CEP41: variants seen among roughly 807,000 people sequenced by gnomAD.
CEP41 encodes centrosomal protein of 41 kDa.
Under a neutral mutation model 44.3 loss-of-function variants are expected in CEP41, and 32 were observed. The ratio of observed to expected loss-of-function variants is 0.72; its 90% confidence interval spans 0.54 to 0.97. The LOEUF is 0.97. CEP41 is among the 50% of genes least tolerant of loss of function. The pLI is 0.00. For synonymous variants in CEP41, 151 were observed against 168.5 expected (o/e 0.90, Z 0.80); for missense variants, 432 against 455.2 (o/e 0.95, Z 0.46).
intron 2 of CEP41, among the ~76,000 whole-genome samples, chr7:130,423,536 G>T (rs1411831103): frequency 6.6e-6 from 1 of 152,144 alleles, no homozygotes; most frequent in Non-Finnish European, 1.5e-5. Context: ...GAAGTGGTGT[G>T]GCTGCTGTGG....
rs782188831 is a variant in CEP41, at chr7:130,401,913, T to C, written c.610A>G (p.Met204Val). 6 of 1,610,560 alleles carry C rather than the reference T, an allele frequency of 3.7e-6. No homozygotes were observed. In the Admixed American group the frequency reaches 5.0e-5, roughly 13 times the overall value. Residue 204 changes from methionine (M) to valine (V), a missense_variant, in exon 8 of 11, where the codon ATG becomes GTG. By Grantham distance (21) the Met-to-Val change is conservative. Transcript: ENST00000223208. Reference sequence around the variant, plus strand: ...AGAATATCATTTGAATAAGGGTTCATTGTTCTAGACAGAGTTGCAATTGGG... The same window carrying C: ...AGAATATCATTTGAATAAGGGTTCACTGTTCTAGACAGAGTTGCAATTGGG... ...SYPIATLSRT[M>V]NPYSNDILEY...
rs1196594622 is a variant in CEP41, at chr7:130,397,495, T to A, written c.*1396A>T. 1 of 425,288 alleles carries A rather than the reference T, an allele frequency of 2.4e-6. No homozygotes were observed. 26.3% of individuals were successfully genotyped at this position (425,288 alleles called of 1,614,324 possible). On this transcript the variant is annotated 3_prime_UTR_variant, in exon 11 of 11. Transcript: ENST00000223208. ...ACAAACACAGCCCCCATGCTAGAAA[T>A]ACTGTGGTGCATTTTTTTTTTTTTT...
chr7:130,417,163 A>C, intron 2 of CEP41, 197 bp from the exon 3 acceptor site: 1 of 1,391,148 alleles, frequency 7.2e-7, no homozygotes, highest in Non-Finnish European at 9.3e-7. Context: ...GAGCCGAGGG[A>C]AATGTTTTGG....
chr7:130,411,047 G>T, intron 5 of CEP41, 75 bp downstream of exon 5: 1 of 1,281,490 alleles, frequency 7.8e-7, no homozygotes, highest in Non-Finnish European at 1.1e-6. Context: ...GGAACAGACA[G>T]CAAATGTGTA....
chr7:130,440,665 A>C, intron 1 of CEP41: 1 of 594,588 alleles, frequency 1.7e-6, no homozygotes, highest in East Asian at 2.8e-5. Flanking sequence ...TTTGAGGGCA[A>C]GGGCTGTGTC....
At chr7:130,434,814 A>G (rs545469366) in intron 1 of CEP41, among the ~76,000 whole-genome samples, 14 of 152,332 alleles carry the variant, frequency 9.2e-5, no homozygotes, top group Admixed American at 6.5e-4. Context: ...GCAGATGTCT[A>G]TAGTCAAAGG....
intron 5 of CEP41, among the ~76,000 whole-genome samples, chr7:130,409,221 T>C (rs1797101862): frequency 6.6e-6 from 1 of 152,216 alleles, no homozygotes; most frequent in Non-Finnish European, 1.5e-5. Flanking sequence ...CTGAGTGAGT[T>C]ATTATCTGTG....
At chr7:130,402,499 G>A (rs1796881692) in intron 7 of CEP41, 149 bp downstream of exon 7, 4 of 834,678 alleles carry the variant, frequency 4.8e-6, no homozygotes, top group Non-Finnish European at 7.9e-6. Context: ...TTTTATGGTG[G>A]AGCCAACCCT....
chr7:130,428,027 T>C lies in CEP41; in HGVS notation c.34-9A>G, dbSNP rs782509419. 16 of 1,572,022 alleles carry C rather than the reference T, an allele frequency of 1.0e-5. No homozygotes were observed. Among genetic ancestry groups the C allele is most frequent in the Non-Finnish European group, 2.6e-6 (3 of 1,142,254 alleles). On this transcript the variant is annotated splice_polypyrimidine_tract_variant and intron_variant, in intron 1 of 10. Transcript: ENST00000223208. ...ATCCTTTTCATCAGATACTAAAAAA[T>C]AAGGAAATTCACAATTAATTGGGTT...
At chr7:130,434,099 T>C (rs1424390374) in intron 1 of CEP41, among the ~76,000 whole-genome samples, 1 of 152,210 alleles carries the variant, frequency 6.6e-6, no homozygotes, top group Non-Finnish European at 1.5e-5. Flanking sequence ...TGGAGAAATT[T>C]TTAATAGCAA....
chr7:130,423,252 G>A (rs1338009607), intron 2 of CEP41, among the ~76,000 whole-genome samples: 1 of 151,954 alleles, frequency 6.6e-6, no homozygotes, highest in Non-Finnish European at 1.5e-5. Flanking sequence ...CCAGCCAAAA[G>A]AACTTTTATA....
chr7:130,407,410 A>AT (rs1797049112), intron 5 of CEP41, among the ~76,000 whole-genome samples: 2 of 152,102 alleles, frequency 1.3e-5, no homozygotes, highest in African/African-American at 4.8e-5. Flanking sequence ...ATAGGAAAAT[A>AT]TATGTATATA....
At chr7:130,418,777 T>A (rs1797415021) in intron 2 of CEP41, among the ~76,000 whole-genome samples, 1 of 152,218 alleles carries the variant, frequency 6.6e-6, no homozygotes, top group Admixed American at 6.5e-5. Context: ...AAATGCTACT[T>A]CCTTAATAGT....
chr7:130,403,050 G>A (rs1202628067), intron 6 of CEP41, among the ~76,000 whole-genome samples: 5 of 152,332 alleles, frequency 3.3e-5, no homozygotes, highest in Admixed American at 1.3e-4. Context: ...ATGCGTGTCA[G>A]TGCATTACAT....
intron 1 of CEP41, among the ~76,000 whole-genome samples, chr7:130,438,503 G>A (rs1374723642): frequency 3.3e-5 from 5 of 152,064 alleles, no homozygotes; most frequent in Non-Finnish European, 7.3e-5. Flanking sequence ...AGGTTGCAGT[G>A]AGCTGAAATC....
In CEP41 at chr7:130,396,110, T is replaced by C. The variant is rs782043938; in HGVS notation, c.*2781A>G. ...TCTCCCTTCCTTTCTTTTTTTCTTT[T>C]CTCCCTTCCTTAAACACAAACCCCT... On this transcript the variant is annotated 3_prime_UTR_variant, in exon 11 of 11. Coordinates refer to ENST00000223208, the MANE Select transcript of CEP41 (RefSeq NM_018718.3). 1.7e-4 allele frequency: 75 copies of C among 453,968 alleles called. No individual in the cohort carries two copies. The Middle Eastern group carries it at 2.0e-3, about 12-fold the overall frequency. 28.1% of individuals were successfully genotyped at this position (453,968 alleles called of 1,614,324 possible). A position where few individuals can be genotyped will look rare whatever the true frequency, so the allele number is the denominator to read the frequency against.
chr7:130,440,796 TG>T, intron 1 of CEP41, 137 bp downstream of exon 1: 2 of 160,030 alleles, frequency 1.2e-5, no homozygotes, highest in South Asian at 4.1e-5. Context: ...GCCCCGCCCC[TG>T]CATCCCGACC....
Position 130,397,717 on chromosome 7 carries a change from A to G in CEP41, c.*1174T>C, listed in dbSNP as rs1554415414. ...AATTAACACCGCTCTTTTCCATCTG[A>G]TTTCAGAGTTCCTCATCCTTACCTG... On this transcript the variant is annotated 3_prime_UTR_variant, in exon 11 of 11. Transcript: ENST00000223208. The G allele has an allele frequency of 4.4e-6, 2 of 454,164 alleles. No individual in the cohort carries two copies. Among genetic ancestry groups the G allele is most frequent in the South Asian group, 3.1e-5 (2 of 64,372 alleles). 28.1% of individuals were successfully genotyped at this position (454,164 alleles called of 1,614,324 possible).
chr7:130,425,655 T>C (rs1797639535), intron 2 of CEP41, among the ~76,000 whole-genome samples: 1 of 152,232 alleles, frequency 6.6e-6, no homozygotes, highest in South Asian at 2.1e-4. Context: ...CCTGAGCACT[T>C]ATCCCAGAGA....
Sources: gnomAD v4.1 joint callset for allele counts (sites outside exome capture counted in the v4.1 genomes callset) on GRCh38, gnomAD v4.1.1 for gene constraint, MANE v1.5 for transcripts, NCBI Gene and HGNC (gene_info 2026-07-23, HGNC 2026-07-21) for gene names.